The following ARID4B variants were observed in gnomAD, a reference collection of about 807,000 sequenced individuals.
ARID4B encodes AT-rich interactive domain-containing protein 4B.
ARID4B carries 26 observed loss-of-function variants against 147.5 expected under a neutral mutation model. The observed-to-expected ratio is 0.18, with a 90% confidence interval of 0.13 to 0.24. ARID4B has a LOEUF of 0.24. Among genes scored for constraint, ARID4B ranks in the 10% least tolerant of loss-of-function variants. ARID4B has a pLI of 1.00. For missense variants in ARID4B, 1,179 were observed against 1,511.5 expected (o/e 0.78, Z 3.65); for synonymous variants, 512 against 507.9 (o/e 1.01, Z -0.11).
At chr1:235,219,690 T>C (rs1437932940) in intron 16 of ARID4B, 103 bp downstream of exon 16, 3 of 925,402 alleles carry the variant, frequency 3.2e-6, no homozygotes, top group African/African-American at 3.5e-5. Context: ...TATTATTTAA[T>C]ATTTTGTCAA....
chr1:235,212,735 A>C (rs1278852698), intron 17 of ARID4B, among the ~76,000 whole-genome samples: 1 of 152,224 alleles, frequency 6.6e-6, no homozygotes, highest in Non-Finnish European at 1.5e-5. Context: ...CAAAACTCTC[A>C]GAAGTGATTT....
chr1:235,252,616 T>A (rs914439492), intron 6 of ARID4B, 114 bp downstream of exon 6: 2 of 741,544 alleles, frequency 2.7e-6, no homozygotes, highest in African/African-American at 3.6e-5. Context: ...AAGGGTATTG[T>A]GTATTAATGA....
intron 9 of ARID4B, among the ~76,000 whole-genome samples, chr1:235,233,325 A>G: frequency 6.6e-6 from 1 of 152,030 alleles, no homozygotes; most frequent in East Asian, 1.9e-4. Context: ...CAGCTACTCA[A>G]GAGAAATTGA....
At chr1:235,175,446 T>C (rs181722934) in intron 21 of ARID4B, 47 bp from the exon 22 acceptor site, 47 of 1,479,244 alleles carry the variant, frequency 3.2e-5, no homozygotes, top group Non-Finnish European at 2.8e-5. Context: ...TAACAATAAA[T>C]TTGTCACAGA....
At chr1:235,319,926 A>G (rs1361034616) in intron 2 of ARID4B, among the ~76,000 whole-genome samples, 1 of 152,092 alleles carries the variant, frequency 6.6e-6, no homozygotes, top group African/African-American at 2.4e-5. Flanking sequence ...CAGGAGTTTG[A>G]GACCAGCCTG....
intron 11 of ARID4B, chr1:235,228,295 T>TC (rs1667964961): frequency 7.0e-6 from 1 of 142,964 alleles, no homozygotes; most frequent in Non-Finnish European, 1.5e-5. Context: ...CTTTTTTTTT[T>TC]TTTTTTTTTT....
rs115487539 is a variant in ARID4B at position 235,275,031 on chromosome 1, G to A, written c.7-14279C>T. 4.4e-3 allele frequency among the ~76,000 whole-genome samples: 668 copies of A among 151,246 alleles called. 6 individuals carry two copies. The highest frequency in any genetic ancestry group is 0.018 in the East Asian group (92 of 5,178). ...TGTGTGTGTGTGTGTGTGCACGCGC[G>A]CAGACCGCTCTGCCTATTCAATGAC... is the stretch of plus-strand genomic sequence containing the variant. On this transcript the variant is annotated intron_variant, in intron 2 of 23. Coordinates refer to ENST00000264183, the MANE Select transcript of ARID4B (RefSeq NM_016374.6).
chr1:235,262,273 G>A (rs1670339778), intron 2 of ARID4B, among the ~76,000 whole-genome samples: 1 of 152,096 alleles, frequency 6.6e-6, no homozygotes, highest in African/African-American at 2.4e-5. Context: ...TGCTATAACA[G>A]GAGTGCCCAC....
At chr1:235,239,260 C>T (rs1668829818) in intron 8 of ARID4B, among the ~76,000 whole-genome samples, 1 of 152,084 alleles carries the variant, frequency 6.6e-6, no homozygotes, top group African/African-American at 2.4e-5. Context: ...GTGTGAGCCA[C>T]CACACCCCAG....
rs370457745 is a variant in ARID4B at position 235,308,764 on chromosome 1, G to T, written c.6+18150C>A. On this transcript the variant is annotated intron_variant, in intron 2 of 23. Transcript: ENST00000264183. ...GGTGCCGGGATTGCAGACGGAGTCT[G>T]GTTCACTCAGTGCTCAATGGTGCCC... 5.9e-5 allele frequency among the ~76,000 whole-genome samples: 9 copies of T among 151,958 alleles called. No individual in the cohort carries two copies. The East Asian group carries it at 1.8e-3, about 30-fold the overall frequency.
chr1:235,319,154 A>G (rs1204453660), intron 2 of ARID4B, among the ~76,000 whole-genome samples: 1 of 152,242 alleles, frequency 6.6e-6, no homozygotes, highest in Admixed American at 6.5e-5. Flanking sequence ...TTAACAAAAA[A>G]GTTTTCAAAA....
rs571819818 is a variant in ARID4B at position 235,263,116 on chromosome 1, C to T, written c.7-2364G>A. Among the ~76,000 whole-genome samples the T allele has an allele frequency of 2.4e-4, 36 of 152,264 alleles. No individual in the cohort carries two copies. In the South Asian group the frequency reaches 7.5e-3, roughly 32 times the overall value. ...CATAACTTTCCACAATTTGCAACCT[C>T]CTCTATTAACACATTCTGCCATACT... On this transcript the variant is annotated intron_variant, in intron 2 of 23. Coordinates refer to ENST00000264183, the MANE Select transcript of ARID4B (RefSeq NM_016374.6).
rs1388873144 is a variant in ARID4B, at chr1:235,259,892, T to C, written c.117+750A>G. On this transcript the variant is annotated intron_variant, in intron 3 of 23. Coordinates refer to ENST00000264183, the MANE Select transcript of ARID4B (RefSeq NM_016374.6). ...CTTAAAAGGTATCTGCTAATCTAGA[T>C]TATAAATTCCTTGAGGACAGATCAG... Among the ~76,000 whole-genome samples, 3 of 152,204 alleles carry C rather than the reference T, an allele frequency of 2.0e-5. No homozygotes were observed. In the East Asian group the frequency reaches 5.8e-4, roughly 29 times the overall value.
intron 1 of ARID4B, 28 bp from the exon 2 acceptor site, chr1:235,326,996 C>G (rs1675321276): frequency 6.7e-7 from 1 of 1,483,158 alleles, no homozygotes; most frequent in East Asian, 2.3e-5. Context: ...GACACCCAGT[C>G]AACACCACAG....
intron 2 of ARID4B, among the ~76,000 whole-genome samples, chr1:235,322,743 C>T (rs963373315): frequency 6.6e-6 from 1 of 152,066 alleles, no homozygotes; most frequent in East Asian, 1.9e-4. Context: ...TTCTATATTA[C>T]CTGATATATG....
intron 3 of ARID4B, among the ~76,000 whole-genome samples, chr1:235,257,526 A>T (rs1670058644): frequency 6.6e-6 from 1 of 151,128 alleles, no homozygotes; most frequent in South Asian, 2.1e-4. Flanking sequence ...TCTGTCGCCC[A>T]GGTTGGAGTG....
Position 235,247,902 on chromosome 1 carries a change from C to T in ARID4B, c.355-1391G>A, listed in dbSNP as rs138898821. ...ACTCGGGAGGCTGAGGCAGGAGAATCGCTTGAACCCGGCAGGCAGAGGTTG... is the reference window on the plus strand; with the variant it reads ...ACTCGGGAGGCTGAGGCAGGAGAATTGCTTGAACCCGGCAGGCAGAGGTTG... On this transcript the variant is annotated intron_variant, in intron 6 of 23. Coordinates refer to ENST00000264183, the MANE Select transcript of ARID4B (RefSeq NM_016374.6). Among the ~76,000 whole-genome samples the T allele has an allele frequency of 4.3e-4, 65 of 152,130 alleles. 2 individuals carry two copies. In the East Asian group the frequency reaches 0.013, roughly 29 times the overall value.
chr1:235,248,351 G>GAA (rs1669433463), intron 6 of ARID4B, among the ~76,000 whole-genome samples: 1 of 152,046 alleles, frequency 6.6e-6, no homozygotes, highest in Non-Finnish European at 1.5e-5. Context: ...CACCCACCCG[G>GAA]AAAATCTAGA....
intron 16 of ARID4B, among the ~76,000 whole-genome samples, chr1:235,214,779 G>C (rs1666940468): frequency 6.7e-6 from 1 of 149,766 alleles, no homozygotes; most frequent in South Asian, 2.1e-4. Flanking sequence ...ACAGATGAGA[G>C]GCCAATTACA....
Sources: allele counts gnomAD v4.1 joint callset (sites outside exome capture counted in the v4.1 genomes callset), GRCh38; gene constraint gnomAD v4.1.1; transcripts MANE v1.5; gene names NCBI Gene and HGNC (gene_info 2026-07-23, HGNC 2026-07-21).